C3orf70: variants seen among roughly 807,000 people sequenced by gnomAD.
The protein encoded by C3orf70 is UPF0524 protein C3orf70.
Under a neutral mutation model 20.7 loss-of-function variants are expected in C3orf70, and 15 were observed. That is an observed-to-expected ratio of 0.72 (90% CI 0.48 to 1.11). The LOEUF (loss-of-function observed/expected upper bound fraction) is 1.11. Among genes scored for constraint, C3orf70 ranks in the 50% most tolerant of loss-of-function variants. C3orf70 has a pLI of 0.00. For missense variants in C3orf70, 332 were observed against 317.6 expected, an observed-to-expected ratio of 1.05 and a Z score of -0.34; for synonymous variants, 161 against 125.7, an observed-to-expected ratio of 1.28 and a Z score of -1.88.
In C3orf70 at chr3:185,078,344, G is replaced by C. The variant is rs549868170; in HGVS notation, c.*4663C>G. On this transcript the variant is annotated 3_prime_UTR_variant, in exon 2 of 2. Coordinates refer to ENST00000335012, the MANE Select transcript of C3orf70 (RefSeq NM_001025266.3). ...TTGAGAAGTGTTCAGGCTACTAAGA[G>C]AACACTGCTTCAACCTTAATCGAAA... 1 of 152,546 alleles carries C rather than the reference G, an allele frequency of 6.6e-6. No individual in the cohort carries two copies. Among genetic ancestry groups the C allele is most frequent in the African/African-American group, 2.4e-5 (1 of 41,556 alleles). 9.4% of individuals were successfully genotyped at this position (152,546 alleles called of 1,614,324 possible).
rs1235107360 is a variant in C3orf70 at position 185,095,722 on chromosome 3, T to C, written c.197-12159A>G. Among the ~76,000 whole-genome samples the C allele has an allele frequency of 5.3e-5, 8 of 151,024 alleles. No homozygotes were observed. In the Admixed American group the frequency reaches 5.3e-4, roughly 10 times the overall value. The stretch of plus-strand genomic sequence containing the variant: ...ATTTTCAATATAAAACAAGCCAATA[T>C]AGCATTCTGAAACTTTTTTTTTTTT... On this transcript the variant is annotated intron_variant, in intron 1 of 1. Coordinates refer to ENST00000335012, the MANE Select transcript of C3orf70 (RefSeq NM_001025266.3).
chr3:185,087,974 C>G (rs1577317479), intron 1 of C3orf70, among the ~76,000 whole-genome samples: 1 of 149,998 alleles, frequency 6.7e-6, no homozygotes, highest in South Asian at 2.1e-4. Context: ...GGCAATAGCA[C>G]GATCTTGGCT....
chr3:185,138,852 C>T (rs1006850382), intron 1 of C3orf70, among the ~76,000 whole-genome samples: 2 of 152,198 alleles, frequency 1.3e-5, no homozygotes, highest in African/African-American at 2.4e-5. Context: ...GTAATCCCAA[C>T]ACTCTGAGAG....
In C3orf70 at chr3:185,078,514, TTGA is replaced by T. The variant is rs1478297245; in HGVS notation, c.*4490_*4492del. 6.6e-6 allele frequency: 1 copy of T among 152,224 alleles called. No individual in the cohort carries two copies. Among genetic ancestry groups the T allele is most frequent in the African/African-American group, 2.4e-5 (1 of 41,450 alleles). 9.4% of individuals were successfully genotyped at this position (152,224 alleles called of 1,614,324 possible). ...TGTTGAGAAGTGCCCTATTTCTGTGTTGATGTGAGAGACACTGATATCCGGGAA... is the reference window on the plus strand; with the variant it reads ...TGTTGAGAAGTGCCCTATTTCTGTGTTGTGAGAGACACTGATATCCGGGAA... On this transcript the variant is annotated 3_prime_UTR_variant, in exon 2 of 2. Coordinates refer to ENST00000335012, the MANE Select transcript of C3orf70 (RefSeq NM_001025266.3).
chr3:185,148,990 T>C (rs896666125), intron 1 of C3orf70, among the ~76,000 whole-genome samples: 1 of 152,240 alleles, frequency 6.6e-6, no homozygotes, highest in Non-Finnish European at 1.5e-5. Flanking sequence ...TGAATCTACC[T>C]TTTTCAAGCA....
At chr3:185,125,351 G>T (rs1475259392) in intron 1 of C3orf70, among the ~76,000 whole-genome samples, 1 of 151,630 alleles carries the variant, frequency 6.6e-6, no homozygotes, top group Non-Finnish European at 1.5e-5. Flanking sequence ...TTGCACTCCA[G>T]CCTGGGCAAC....
At chr3:185,142,548 C>T (rs967495043) in intron 1 of C3orf70, among the ~76,000 whole-genome samples, 9 of 152,196 alleles carry the variant, frequency 5.9e-5, no homozygotes, top group East Asian at 1.9e-4. Context: ...ATTTGAACAT[C>T]GCTGTTTTGC....
At chr3:185,092,354 C>A (rs1715610245) in intron 1 of C3orf70, among the ~76,000 whole-genome samples, 1 of 152,136 alleles carries the variant, frequency 6.6e-6, no homozygotes, top group Non-Finnish European at 1.5e-5. Context: ...AAGCCCAGGG[C>A]CCTCCCATTC....
At chr3:185,125,561 G>A (rs948276193) in intron 1 of C3orf70, among the ~76,000 whole-genome samples, 1 of 152,168 alleles carries the variant, frequency 6.6e-6, no homozygotes, top group African/African-American at 2.4e-5. Flanking sequence ...AATATTTATA[G>A]CAGCCTTATT....
chr3:185,151,956 G>A (rs1716996491), intron 1 of C3orf70, among the ~76,000 whole-genome samples: 1 of 152,196 alleles, frequency 6.6e-6, no homozygotes, highest in African/African-American at 2.4e-5. Context: ...ATTGGTTTAA[G>A]ACTATTAAGC....
intron 1 of C3orf70, among the ~76,000 whole-genome samples, chr3:185,094,874 G>C (rs1374613316): frequency 6.6e-6 from 1 of 152,120 alleles, no homozygotes; most frequent in East Asian, 1.9e-4. Context: ...GTGAGATGAA[G>C]CATGAAAACC....
At chr3:185,113,133 A>T (rs140954985) in intron 1 of C3orf70, among the ~76,000 whole-genome samples, 86 of 152,242 alleles carry the variant, frequency 5.6e-4, no homozygotes, top group African/African-American at 1.9e-3. Context: ...GAAAAGATCT[A>T]CAATATGTAG....
chr3:185,097,077 C>T (rs1245870507), intron 1 of C3orf70, among the ~76,000 whole-genome samples: 2 of 152,100 alleles, frequency 1.3e-5, no homozygotes, highest in African/African-American at 4.8e-5. Flanking sequence ...TATTAAACTT[C>T]CTCCCCATTT....
intron 1 of C3orf70, among the ~76,000 whole-genome samples, chr3:185,084,761 G>T (rs1009203269): frequency 6.6e-6 from 1 of 152,114 alleles, no homozygotes. Flanking sequence ...CCTCCCACAC[G>T]CTAAGGAAAT....
intron 1 of C3orf70, among the ~76,000 whole-genome samples, chr3:185,146,441 C>T (rs1215507899): frequency 6.6e-6 from 1 of 152,022 alleles, no homozygotes; most frequent in East Asian, 1.9e-4. Flanking sequence ...GAATGTGCCA[C>T]CACACCCAGC....
chr3:185,077,336 C>A lies in C3orf70; in HGVS notation c.*5671G>T, dbSNP rs891908246. ...TAGAGCCAAAGTGACCGGGTTCAAA[C>A]CCTGACTGCCACTCATGTACGAGCT... On this transcript the variant is annotated 3_prime_UTR_variant, in exon 2 of 2. Transcript: ENST00000335012. 6.6e-6 allele frequency among the ~76,000 whole-genome samples: 1 copy of A among 152,074 alleles called. No individual in the cohort carries two copies. The highest frequency in any genetic ancestry group is 2.4e-5 in the African/African-American group (1 of 41,410).
chr3:185,090,438 G>A (rs1287384809), intron 1 of C3orf70, among the ~76,000 whole-genome samples: 1 of 152,096 alleles, frequency 6.6e-6, no homozygotes, highest in Non-Finnish European at 1.5e-5. Context: ...TAGTTTTATG[G>A]TTGTTAAATG....
intron 1 of C3orf70, among the ~76,000 whole-genome samples, chr3:185,094,074 G>GTTTTTTTTTTTTTTTTTTTTTTTTTT (rs71162282): frequency 2.5e-5 from 2 of 80,644 alleles, no homozygotes; most frequent in Non-Finnish European, 4.4e-5. Context: ...ATACCCTGGG[G>GTTTTTTTTTTTTTTTTTTTTTTTTTT]TTTTTTTTTT....
chr3:185,129,706 A>T (rs59979534), intron 1 of C3orf70, among the ~76,000 whole-genome samples: 30,322 of 152,206 alleles, frequency 0.2, 3,298 homozygotes, highest in East Asian at 0.42. Flanking sequence ...TTTTCTCTGC[A>T]GCCTCACCAA....
Sources: allele counts gnomAD v4.1 joint callset (sites outside exome capture counted in the v4.1 genomes callset), GRCh38; gene constraint gnomAD v4.1.1; transcripts MANE v1.5; gene names NCBI Gene and HGNC (gene_info 2026-07-23, HGNC 2026-07-21).